PLXNA2: variants seen among roughly 807,000 people sequenced by gnomAD.
The protein encoded by PLXNA2 is plexin A2, also known as plexin-A2.
A neutral mutation model predicts 193.5 loss-of-function variants in PLXNA2; 91 were observed. That is an observed-to-expected ratio of 0.47 (90% CI 0.40 to 0.56). The LOEUF (loss-of-function observed/expected upper bound fraction) is 0.56. PLXNA2 is among the 20% of genes least tolerant of loss of function. The pLI, the probability that PLXNA2 is intolerant of heterozygous loss-of-function variation, is 0.00. For synonymous variants in PLXNA2, 997 were observed against 1,027.3 expected (o/e 0.97, Z 0.56); for missense variants, 1,995 against 2,503.2 (o/e 0.80, Z 4.33).
In PLXNA2 at chr1:208,044,737, G is replaced by T; in HGVS notation, c.3645C>A (p.His1215Gln). The T allele has an allele frequency of 1.2e-6, 2 of 1,612,224 alleles. No individual in the cohort carries two copies. Among genetic ancestry groups the T allele is most frequent in the East Asian group, 4.5e-5 (2 of 44,854 alleles). ...CAGGCGAGAACACCATCCCGCCCAC[G>T]TGAACCTGTGCATTGTACACATACA... ...NLTGQHKVMV[H>Q]VGGMVFSPGS... Residue 1215 changes from histidine to glutamine, a missense_variant, in exon 20 of 32, where the codon CAC becomes CAA. By Grantham distance (24) the His-to-Gln change is conservative (BLOSUM62 0). Coordinates refer to ENST00000367033, the MANE Select transcript of PLXNA2 (RefSeq NM_025179.4). The surrounding 1 kb of genome is among the most constrained non-coding windows in gnomAD (Gnocchi z 4.9).
Position 208,038,725 on chromosome 1 carries a change from C to T in PLXNA2, c.4660+100G>A. Reference sequence around the variant, plus strand: ...AGCATTTCACACGGGCCTCAGCTGGCCAGGACACAGTCATGCCCCTGCAAG... The same window carrying T: ...AGCATTTCACACGGGCCTCAGCTGGTCAGGACACAGTCATGCCCCTGCAAG... On this transcript the variant is annotated intron_variant, in intron 25 of 31. Coordinates refer to ENST00000367033, the MANE Select transcript of PLXNA2 (RefSeq NM_025179.4). This position sits in a 1 kb window ranked among gnomAD's most constrained non-coding sequence, Gnocchi z 4.1. 7.7e-7 allele frequency: 1 copy of T among 1,294,520 alleles called. No individual in the cohort carries two copies. Among genetic ancestry groups the T allele is most frequent in the Non-Finnish European group, 1.1e-6 (1 of 911,388 alleles). The allele number at this position is 1,294,520 out of a possible 1,614,324, so 80.2% of individuals were successfully genotyped here.
intron 1 of PLXNA2, among the ~76,000 whole-genome samples, chr1:208,238,395 C>G (rs1178258440): frequency 2.0e-5 from 3 of 152,206 alleles, no homozygotes; most frequent in Non-Finnish European, 4.4e-5. Context: ...TTTCTTTTCT[C>G]TATCCTCCCT....
intron 3 of PLXNA2, among the ~76,000 whole-genome samples, chr1:208,143,315 C>A (rs1312157620): frequency 6.6e-6 from 1 of 152,202 alleles, no homozygotes; most frequent in African/African-American, 2.4e-5. Context: ...CTCAGAATCA[C>A]CTGGAGGGCT....
Position 208,216,815 on chromosome 1 carries a change from G to C in PLXNA2, c.1108C>G (p.Arg370Gly). The C allele has an allele frequency of 5.6e-6, 9 of 1,614,168 alleles. No individual in the cohort carries two copies. Among genetic ancestry groups the C allele is most frequent in the Non-Finnish European group, 7.6e-6 (9 of 1,180,036 alleles). The change falls in exon 2 of 32, where the codon CGC becomes GGC. Residue 370 changes from arginine to glycine, a missense_variant. Around this residue, in one of 3 missense-constraint regions of PLXNA2, gnomAD observed 702 missense variants for 812.9 expected, o/e 0.86. Coordinates refer to ENST00000367033, the MANE Select transcript of PLXNA2 (RefSeq NM_025179.4). ...IRAINLQIKERLQSCYQGEGN... is the reference protein window; with the variant it reads ...IRAINLQIKEGLQSCYQGEGN... ...TCGCCCTGGTAGCAGGACTGCAGGC[G>C]CTCCTTGATCTGCAAGTTGATGGCC...
intron 12 of PLXNA2, among the ~76,000 whole-genome samples, chr1:208,075,078 A>T (rs960260677): frequency 1.3e-5 from 2 of 152,202 alleles, no homozygotes; most frequent in African/African-American, 2.4e-5. Context: ...TGGGAAGTTG[A>T]GGTGGGCGGA....
chr1:208,233,894 A>T (rs1558258762), intron 1 of PLXNA2, among the ~76,000 whole-genome samples: 1 of 152,124 alleles, frequency 6.6e-6, no homozygotes. Flanking sequence ...GCTATTTAAA[A>T]GGGGGGGTCT....
chr1:208,217,077 C>G lies in PLXNA2; in HGVS notation c.846G>C (p.Arg282=). Residue 282 remains arginine, a synonymous_variant, in exon 2 of 32, where the codon CGG becomes CGC. Transcript: ENST00000367033. The surrounding 1 kb of genome is among the most constrained non-coding windows in gnomAD (Gnocchi z 4.7). The part of the protein sequence containing the change: ...GDLFYTSRIV[R]LCKDDPKFHS... The stretch of plus-strand genomic sequence containing the variant: ...GGAACTTGGGGTCATCCTTGCAGAG[C>G]CGCACGATGCGTGAGGTGTAGAAGA... The G allele has an allele frequency of 6.2e-7, 1 of 1,614,070 alleles. No homozygotes were observed. The highest frequency in any genetic ancestry group is 8.5e-7 in the Non-Finnish European group (1 of 1,179,958).
Position 208,217,536 on chromosome 1 carries a change from A to G in PLXNA2, c.387T>C (p.Cys129=). ...IDYSENRLLA[C]GSLYQGVCKL... ...TGCAGACCCCCTGGTAGAGGCTCCC[A>G]CAGGCCAGCAGGCGGTTCTCAGAGT... Residue 129 remains cysteine, a synonymous_variant, in exon 2 of 32, where the codon TGT becomes TGC. Transcript: ENST00000367033. The surrounding 1 kb of genome is among the most constrained non-coding windows in gnomAD (Gnocchi z 4.7). 1 of 1,614,176 alleles carries G rather than the reference A, an allele frequency of 6.2e-7. No individual in the cohort carries two copies. Among genetic ancestry groups the G allele is most frequent in the South Asian group, 1.1e-5 (1 of 91,076 alleles).
At chr1:208,176,583 A>G (rs1404902262) in intron 3 of PLXNA2, among the ~76,000 whole-genome samples, 20 of 152,222 alleles carry the variant, frequency 1.3e-4, no homozygotes, top group Non-Finnish European at 1.3e-4. Context: ...GTCCAGGTAG[A>G]TAGAAAGTGC....
chr1:208,060,722 C>A lies in PLXNA2; in HGVS notation c.2702G>T (p.Cys901Phe). Residue 901 changes from cysteine (C) to phenylalanine (F), a missense_variant, in exon 13 of 32, where the codon TGC becomes TTC. Physicochemically the swap from Cys to Phe is radical, Grantham distance 205. Transcript: ENST00000367033. ...AHHVQVAGVP[C>F]TPLPGEYIIA... Reference sequence around the variant, plus strand: ...GATGTATTCCCCTGGGAGGGGCGTGCAGGGCACCCCAGCCACCTGCACATG... The same window carrying A: ...GATGTATTCCCCTGGGAGGGGCGTGAAGGGCACCCCAGCCACCTGCACATG... 6.2e-7 allele frequency: 1 copy of A among 1,613,944 alleles called. No homozygotes were observed. Among genetic ancestry groups the A allele is most frequent in the Non-Finnish European group, 8.5e-7 (1 of 1,179,920 alleles).
chr1:208,051,306 G>A lies in PLXNA2; in HGVS notation c.3111C>T (p.Tyr1037=). The change falls in exon 16 of 32, where the codon TAC becomes TAT. Residue 1037 remains tyrosine (Y), a synonymous_variant. Transcript: ENST00000367033. ...AHVDSNLQFE[Y]IDDPRVQRIE... ...TGCGCTGGACCCGAGGGTCATCTATGTACTCAAACTGCAGGTTGCTATCCA... is the reference window on the plus strand; with the variant it reads ...TGCGCTGGACCCGAGGGTCATCTATATACTCAAACTGCAGGTTGCTATCCA... 1 of 1,613,772 alleles carries A rather than the reference G, an allele frequency of 6.2e-7. No individual in the cohort carries two copies. Among genetic ancestry groups the A allele is most frequent in the Non-Finnish European group, 8.5e-7 (1 of 1,179,902 alleles).
intron 3 of PLXNA2, among the ~76,000 whole-genome samples, chr1:208,169,390 G>T (rs1047471419): frequency 6.6e-6 from 1 of 152,202 alleles, no homozygotes; most frequent in Non-Finnish European, 1.5e-5. Flanking sequence ...CCTTGTCTGT[G>T]GGCATAACTT....
intron 3 of PLXNA2, among the ~76,000 whole-genome samples, chr1:208,168,751 T>TTTTTTTTTTG (rs1669395764): frequency 1.4e-5 from 2 of 139,172 alleles, no homozygotes. Flanking sequence ...TTTTTTTTTT[T>TTTTTTTTTTG]AGAATGACAG....
At chr1:208,123,410 G>T (rs1052288259) in intron 4 of PLXNA2, among the ~76,000 whole-genome samples, 2 of 152,130 alleles carry the variant, frequency 1.3e-5, no homozygotes, top group Non-Finnish European at 2.9e-5. Context: ...CAGGCAGCTG[G>T]ATTCTTTCAT....
intron 4 of PLXNA2, among the ~76,000 whole-genome samples, chr1:208,127,985 C>G (rs950387548): frequency 2.2e-4 from 34 of 152,282 alleles, no homozygotes; most frequent in Admixed American, 5.2e-4. Context: ...GCCTGCCCAT[C>G]TTGCAGCATG....
intron 22 of PLXNA2, among the ~76,000 whole-genome samples, chr1:208,041,871 T>C (rs942850911): frequency 6.6e-6 from 1 of 151,962 alleles, no homozygotes; most frequent in African/African-American, 2.4e-5. Context: ...CGAGCAAGGG[T>C]CTGAGCTCAT....
At position 208,024,310 on chromosome 1, in the gene PLXNA2, G is replaced by T. The variant is rs1664275941; in HGVS notation, c.*2933C>A. The T allele has an allele frequency of 6.6e-6, 1 of 152,038 alleles. No homozygotes were observed. The highest frequency in any genetic ancestry group is 6.5e-5 in the Admixed American group (1 of 15,278). The allele number at this position is 152,038 out of a possible 1,614,324, so 9.4% of individuals were successfully genotyped here. On this transcript the variant is annotated 3_prime_UTR_variant, in exon 32 of 32. Transcript: ENST00000367033. ...AAATTGGATAACAGGGAGAAGAGAG[G>T]CCAACCAACTCCCTCTTTTTCTCAT...
At chr1:208,133,848 T>G (rs1042848755) in intron 4 of PLXNA2, among the ~76,000 whole-genome samples, 1 of 152,210 alleles carries the variant, frequency 6.6e-6, no homozygotes, top group Non-Finnish European at 1.5e-5. Context: ...CAAATGACTT[T>G]CCTCTCTGGA....
chr1:208,071,235 G>A (rs758390669), intron 12 of PLXNA2, among the ~76,000 whole-genome samples: 4 of 152,220 alleles, frequency 2.6e-5, no homozygotes, highest in Non-Finnish European at 4.4e-5. Flanking sequence ...CATCCTCAGC[G>A]GATGTTCATA....
Sources: gnomAD v4.1 joint callset for allele counts (sites outside exome capture counted in the v4.1 genomes callset) on GRCh38, gnomAD v4.1.1 for gene constraint, gnomAD v4.1.1 regional missense constraint, Gnocchi (gnomAD v3.1) non-coding constraint, MANE v1.5 for transcripts, NCBI Gene and HGNC (gene_info 2026-07-23, HGNC 2026-07-21) for gene names.